VTI1A: variants seen among roughly 807,000 people sequenced by gnomAD.
The protein encoded by VTI1A is vesicle transport through interaction with t-SNAREs 1A.
VTI1A carries 22 observed loss-of-function variants against 34.9 expected under a neutral mutation model. That is an observed-to-expected ratio of 0.63 (90% confidence interval 0.45 to 0.90). VTI1A has a LOEUF of 0.90. Ranked by LOEUF, VTI1A falls within the 40% of genes least tolerant of loss-of-function variation. VTI1A has a pLI of 0.00. For synonymous variants in VTI1A, 87 were observed against 97.3 expected (o/e 0.89, Z 0.62); for missense variants, 268 against 275.6 (o/e 0.97, Z 0.20).
chr10:112,561,651 GAA>G (rs979680046), intron 5 of VTI1A, among the ~76,000 whole-genome samples: 29 of 152,038 alleles, frequency 1.9e-4, no homozygotes, highest in African/African-American at 6.7e-4. Context: ...AACTCAAATG[GAA>G]AAAGATATTT....
chr10:112,854,915 C>T, the VTI1A span, among the ~76,000 whole-genome samples: 3 of 152,186 alleles, frequency 2.0e-5, no homozygotes, highest in Admixed American at 6.5e-5. Context: ...GCTCTCCTTC[C>T]GGGCCTCAGT....
intron 3 of VTI1A, among the ~76,000 whole-genome samples, chr10:112,519,615 T>C (rs1321656350): frequency 6.6e-6 from 1 of 152,028 alleles, no homozygotes; most frequent in Non-Finnish European, 1.5e-5. Flanking sequence ...AGAATGAAGG[T>C]AGGGGGACTC....
At chr10:112,509,590 A>T (rs1262153775) in intron 3 of VTI1A, among the ~76,000 whole-genome samples, 1 of 152,228 alleles carries the variant, frequency 6.6e-6, no homozygotes, top group Non-Finnish European at 1.5e-5. Flanking sequence ...AACTGGGGCT[A>T]CCATGCCCAA....
At chr10:112,708,628 G>A (rs1373867046) in intron 7 of VTI1A, among the ~76,000 whole-genome samples, 1 of 152,224 alleles carries the variant, frequency 6.6e-6, no homozygotes, top group African/African-American at 2.4e-5. Context: ...GCATTAAGCA[G>A]TATCTTTGAC....
At chr10:112,724,496 A>G (rs1210156714) in intron 7 of VTI1A, among the ~76,000 whole-genome samples, 1 of 151,960 alleles carries the variant, frequency 6.6e-6, no homozygotes, top group Non-Finnish European at 1.5e-5. Flanking sequence ...GGAAGGCTCT[A>G]TCTCCTCCAA....
chr10:112,668,126 C>A, intron 5 of VTI1A, 92 bp from the exon 6 acceptor site: 3 of 1,019,562 alleles, frequency 2.9e-6, no homozygotes, highest in African/African-American at 3.2e-5. Flanking sequence ...ATGCATGCAA[C>A]TTTAACATTT....
At chr10:112,521,687 A>T (rs1850033542) in intron 3 of VTI1A, among the ~76,000 whole-genome samples, 2 of 152,040 alleles carry the variant, frequency 1.3e-5, no homozygotes, top group African/African-American at 4.8e-5. Flanking sequence ...CATCCATCCT[A>T]ACAATGTTCC....
At chr10:112,459,603 A>C (rs1410201315) in intron 1 of VTI1A, among the ~76,000 whole-genome samples, 1 of 152,138 alleles carries the variant, frequency 6.6e-6, no homozygotes, top group Non-Finnish European at 1.5e-5. Flanking sequence ...GCCTTTGAAG[A>C]GAGTAGGGGC....
the VTI1A span, among the ~76,000 whole-genome samples, chr10:112,854,320 T>C: frequency 1.3e-5 from 2 of 152,232 alleles, 1 homozygote; most frequent in South Asian, 4.1e-4. Context: ...AGCCCTGTTT[T>C]ACAAATGCAG....
At chr10:112,589,760 A>G (rs1844313239) in intron 5 of VTI1A, among the ~76,000 whole-genome samples, 1 of 152,158 alleles carries the variant, frequency 6.6e-6, no homozygotes, top group Admixed American at 6.5e-5. Flanking sequence ...TTGCTGAAGT[A>G]ATGCTACTAG....
intron 7 of VTI1A, among the ~76,000 whole-genome samples, chr10:112,795,043 A>G (rs1057214328): frequency 6.6e-6 from 1 of 152,200 alleles, no homozygotes; most frequent in Non-Finnish European, 1.5e-5. Context: ...ATAGGAAAAA[A>G]GGACAGATGT....
intron 1 of VTI1A, among the ~76,000 whole-genome samples, chr10:112,456,413 G>A (rs1477946630): frequency 1.0e-5 from 1 of 100,216 alleles, no homozygotes; most frequent in Non-Finnish European, 2.0e-5. Context: ...CAAAGTGAGA[G>A]TCCATCTCAA....
chr10:112,635,357 T>C (rs904916162), intron 5 of VTI1A, among the ~76,000 whole-genome samples: 1 of 152,066 alleles, frequency 6.6e-6, no homozygotes, highest in African/African-American at 2.4e-5. Context: ...ATTGTACGGA[T>C]TGGAGATTGG....
At chr10:112,653,674 G>T (rs779920066) in intron 5 of VTI1A, among the ~76,000 whole-genome samples, 30 of 152,208 alleles carry the variant, frequency 2.0e-4, no homozygotes, top group Non-Finnish European at 3.5e-4. Context: ...ATAAAATGAA[G>T]CAGTCAATAA....
intron 7 of VTI1A, among the ~76,000 whole-genome samples, chr10:112,753,189 C>T (rs1184834425): frequency 6.6e-6 from 1 of 151,808 alleles, no homozygotes; most frequent in Non-Finnish European, 1.5e-5. Flanking sequence ...CTATTAGACT[C>T]AACAACTTAT....
In VTI1A at chr10:112,483,018, C is replaced by T. The variant is rs1333398446; in HGVS notation, c.264+18361C>T. Among the ~76,000 whole-genome samples the T allele has an allele frequency of 3.3e-5, 5 of 151,974 alleles. No homozygotes were observed. In the East Asian group the frequency reaches 5.8e-4, roughly 18 times the overall value. On this transcript the variant is annotated intron_variant, in intron 3 of 7. Transcript: ENST00000393077. ...AATAAAAAGAGAGAAAAGAAGTAGG[C>T]GTAGGAGAAAATAAAAGCCTAAGAG...
At chr10:112,499,260 A>C (rs1235805320) in intron 3 of VTI1A, among the ~76,000 whole-genome samples, 2 of 152,056 alleles carry the variant, frequency 1.3e-5, no homozygotes, top group African/African-American at 4.8e-5. Flanking sequence ...TCCAGCTTTT[A>C]TCTTACTTGT....
chr10:112,777,471 T>C (rs1851986201), intron 7 of VTI1A, among the ~76,000 whole-genome samples: 1 of 152,156 alleles, frequency 6.6e-6, no homozygotes, highest in African/African-American at 2.4e-5. Context: ...ATGCAGAAGG[T>C]TTATCCTTTG....
At chr10:112,458,226 T>A (rs1451193707) in intron 1 of VTI1A, among the ~76,000 whole-genome samples, 1 of 152,224 alleles carries the variant, frequency 6.6e-6, no homozygotes, top group Non-Finnish European at 1.5e-5. Context: ...ATCAACTGAA[T>A]ACCTTAAAGA....
Sources: gnomAD v4.1 joint callset for allele counts (sites outside exome capture counted in the v4.1 genomes callset) on GRCh38, gnomAD v4.1.1 for gene constraint, MANE v1.5 for transcripts, NCBI Gene and HGNC (gene_info 2026-07-23, HGNC 2026-07-21) for gene names.